The following ARHGAP44 variants were observed in gnomAD, a reference collection of about 807,000 sequenced individuals.
ARHGAP44 encodes Rho GTPase activating protein 44.
In ARHGAP44, 43 loss-of-function variants were observed where a neutral mutation model predicts 106.8. That is an observed-to-expected ratio of 0.40 (90% CI 0.32 to 0.52). The LOEUF is 0.52. ARHGAP44 is among the 20% of genes least tolerant of loss of function. ARHGAP44 has a pLI of 0.48. For missense variants in ARHGAP44, 866 were observed against 1,050.5 expected (o/e 0.82, Z 2.43); for synonymous variants, 439 against 410.3 (o/e 1.07, Z -0.85).
intron 6 of ARHGAP44, among the ~76,000 whole-genome samples, chr17:12,921,551 T>TG (rs1158117294): frequency 2.6e-5 from 4 of 152,184 alleles, no homozygotes; most frequent in Admixed American, 6.5e-5. Flanking sequence ...CTCACTGTGT[T>TG]GCGCAGGCTA....
chr17:12,794,557 G>A (rs547799225), intron 1 of ARHGAP44, among the ~76,000 whole-genome samples: 2 of 152,320 alleles, frequency 1.3e-5, no homozygotes, highest in South Asian at 2.1e-4. Flanking sequence ...TGTTCAAAGT[G>A]TCTGGGAGTA....
rs950403928 is a variant in ARHGAP44, at chr17:12,952,656, A to G, written c.1136+75A>G. 12 of 1,097,748 alleles carry G rather than the reference A, an allele frequency of 1.1e-5. No homozygotes were observed. The African/African-American group carries it at 1.9e-4, about 17-fold the overall frequency. 68.0% of individuals were successfully genotyped at this position (1,097,748 alleles called of 1,614,324 possible). ...CCTCAGAGATACAACTGCCCGGGTA[A>G]AAGTCATGGTAACTACCATGCATAG... is the stretch of plus-strand genomic sequence containing the variant. On this transcript the variant is annotated intron_variant, in intron 13 of 20. Coordinates refer to ENST00000379672, the MANE Select transcript of ARHGAP44 (RefSeq NM_014859.6).
Position 12,903,105 on chromosome 17 carries a change from AGAGAGAGAGAGAGAGAGAGAG to A in ARHGAP44, c.199-5776_199-5756del, listed in dbSNP as rs1332276641. ...ATATGAGAGAGAGAGAGAGAGAGAG[AGAGAGAGAGAGAGAGAGAGAG>A]GAGAGAGAGAGAGAGTGTGTGTGTG... On this transcript the variant is annotated intron_variant, in intron 3 of 20. Transcript: ENST00000379672. 2.6e-3 allele frequency among the ~76,000 whole-genome samples: 300 copies of A among 117,052 alleles called. 1 individual carries two copies. The highest frequency in any genetic ancestry group is 3.9e-3 in the Non-Finnish European group (238 of 60,992). The allele number at this position is 117,052 out of a possible 152,430, so 76.8% of individuals were successfully genotyped here.
chr17:12,921,269 G>T (rs1006483294), intron 6 of ARHGAP44, among the ~76,000 whole-genome samples: 1 of 152,048 alleles, frequency 6.6e-6, no homozygotes, highest in Non-Finnish European at 1.5e-5. Context: ...GTTCCGCCAC[G>T]TTGGCCAGGC....
intron 1 of ARHGAP44, among the ~76,000 whole-genome samples, chr17:12,860,302 G>A (rs974635588): frequency 6.6e-6 from 1 of 152,054 alleles, no homozygotes; most frequent in African/African-American, 2.4e-5. Flanking sequence ...TCCTTATAAG[G>A]TCAACAAGGC....
intron 18 of ARHGAP44, among the ~76,000 whole-genome samples, chr17:12,978,035 T>TAAAAA (rs757585682): frequency 0.018 from 1,020 of 55,514 alleles, 178 homozygotes; most frequent in African/African-American, 0.066. Flanking sequence ...AGACTCCATC[T>TAAAAA]CAAAAAAAAA....
intron 1 of ARHGAP44, among the ~76,000 whole-genome samples, chr17:12,843,630 T>G (rs2035481616): frequency 6.6e-6 from 1 of 151,688 alleles, no homozygotes; most frequent in African/African-American, 2.4e-5. Context: ...TGCTATTACA[T>G]TCTCCCATAA....
At chr17:12,812,700 C>T (rs2150782020) in intron 1 of ARHGAP44, among the ~76,000 whole-genome samples, 1 of 152,270 alleles carries the variant, frequency 6.6e-6, no homozygotes, top group Non-Finnish European at 1.5e-5. Flanking sequence ...TTAACATGCT[C>T]ACAAGTGCAT....
intron 1 of ARHGAP44, among the ~76,000 whole-genome samples, chr17:12,803,453 G>A (rs1346020887): frequency 6.6e-6 from 1 of 151,612 alleles, no homozygotes; most frequent in Non-Finnish European, 1.5e-5. Flanking sequence ...TGGCTCCTAT[G>A]AATCCATCCC....
chr17:12,990,899 C>T lies in ARHGAP44; in HGVS notation c.*728C>T, dbSNP rs1326075682. 1.3e-5 allele frequency: 2 copies of T among 152,444 alleles called. No individual in the cohort carries two copies. The highest frequency in any genetic ancestry group is 2.4e-5 in the African/African-American group (1 of 41,432). 9.4% of individuals were successfully genotyped at this position (152,444 alleles called of 1,614,324 possible). A position where few individuals can be genotyped will look rare whatever the true frequency, so the allele number is the denominator to read the frequency against. On this transcript the variant is annotated 3_prime_UTR_variant, in exon 21 of 21. Transcript: ENST00000379672. Reference sequence around the variant, plus strand: ...CAAGCCTGACAGTGTCTGGAGGAGCCAAAGGTGGCCTCCCTGTCCCCAAAT... The same window carrying T: ...CAAGCCTGACAGTGTCTGGAGGAGCTAAAGGTGGCCTCCCTGTCCCCAAAT...
intron 7 of ARHGAP44, among the ~76,000 whole-genome samples, chr17:12,935,275 C>T (rs757552802): frequency 4.6e-5 from 7 of 152,052 alleles, no homozygotes; most frequent in South Asian, 2.1e-4. Flanking sequence ...GCCTCAAATA[C>T]GATTAAAGGG....
chr17:12,987,111 T>C lies in ARHGAP44; in HGVS notation c.2317+2203T>C, dbSNP rs1348499109. Reference sequence around the variant, plus strand: ...ATTGTGTTCTTGCAGCTGTGTGACATGAGTGGCGCAGTTTTGGATACGTGT... The same window carrying C: ...ATTGTGTTCTTGCAGCTGTGTGACACGAGTGGCGCAGTTTTGGATACGTGT... On this transcript the variant is annotated intron_variant, in intron 20 of 20. Coordinates refer to ENST00000379672, the MANE Select transcript of ARHGAP44 (RefSeq NM_014859.6). The C allele has an allele frequency of 3.1e-5, 48 of 1,534,842 alleles. No homozygotes were observed. In the South Asian group the frequency reaches 4.5e-4, roughly 14 times the overall value.
At chr17:12,920,928 A>G (rs1231017167) in intron 6 of ARHGAP44, among the ~76,000 whole-genome samples, 1 of 152,132 alleles carries the variant, frequency 6.6e-6, no homozygotes, top group Non-Finnish European at 1.5e-5. Flanking sequence ...TTGTGCACAT[A>G]TGTCCTTTTA....
At chr17:12,898,744 G>A (rs1348939907) in intron 3 of ARHGAP44, among the ~76,000 whole-genome samples, 1 of 152,170 alleles carries the variant, frequency 6.6e-6, no homozygotes, top group Non-Finnish European at 1.5e-5. Context: ...GTGAATATGT[G>A]TCCAAGATAA....
chr17:12,974,359 G>C (rs2039616720), intron 18 of ARHGAP44, 49 bp downstream of exon 18: 1 of 1,340,500 alleles, frequency 7.5e-7, no homozygotes, highest in Non-Finnish European at 9.5e-7. Context: ...CGGTGCAGGG[G>C]GTGTCTGGGT....
rs1479962359 is a variant in ARHGAP44 at position 12,949,319 on chromosome 17, T to G, written c.973+68T>G. The G allele has an allele frequency of 6.8e-7, 1 of 1,469,114 alleles. No homozygotes were observed. The highest frequency in any genetic ancestry group is 2.0e-5 in the Admixed American group (1 of 50,720). The allele number at this position is 1,469,114 out of a possible 1,614,324, so 91.0% of individuals were successfully genotyped here. The stretch of plus-strand genomic sequence containing the variant: ...GGGAAGGGGTAGAGGGGAGGCTGTG[T>G]GGCTACAAGTCCAGGACACTCAAGT... On this transcript the variant is annotated intron_variant, in intron 11 of 20. Coordinates refer to ENST00000379672, the MANE Select transcript of ARHGAP44 (RefSeq NM_014859.6). This position sits in a 1 kb window ranked among gnomAD's most constrained non-coding sequence, Gnocchi z 4.1.
chr17:12,820,744 A>G (rs374400407), intron 1 of ARHGAP44, among the ~76,000 whole-genome samples: 1 of 152,184 alleles, frequency 6.6e-6, no homozygotes, highest in Admixed American at 6.5e-5. Flanking sequence ...GATTTAAAAG[A>G]CAGACCTTGG....
chr17:12,894,227 TGA>T (rs796631389), intron 1 of ARHGAP44, among the ~76,000 whole-genome samples: 34 of 147,200 alleles, frequency 2.3e-4, no homozygotes, highest in South Asian at 4.2e-4. Flanking sequence ...TGTGTGTGTG[TGA>T]GAGAGAGAGA....
intron 12 of ARHGAP44, among the ~76,000 whole-genome samples, chr17:12,950,580 A>G (rs1345553169): frequency 6.6e-6 from 1 of 152,198 alleles, no homozygotes; most frequent in Non-Finnish European, 1.5e-5. Context: ...TCTTTTGGGC[A>G]TAGGTAAGAG....
Sources: gnomAD v4.1 joint callset for allele counts (sites outside exome capture counted in the v4.1 genomes callset) on GRCh38, gnomAD v4.1.1 for gene constraint, Gnocchi (gnomAD v3.1) non-coding constraint, MANE v1.5 for transcripts, NCBI Gene and HGNC (gene_info 2026-07-23, HGNC 2026-07-21) for gene names.